Variants in DST observed in about 807,000 individuals in gnomAD.
DST encodes bullous pemphigoid antigen.
A neutral mutation model predicts 875.2 loss-of-function variants in DST; 253 were observed. The ratio of observed to expected loss-of-function variants is 0.29; its 90% confidence interval spans 0.26 to 0.32. The LOEUF (loss-of-function observed/expected upper bound fraction) is 0.32. Among genes scored for constraint, DST ranks in the 10% least tolerant of loss-of-function variants. DST has a pLI of 1.00. For missense variants in DST, 8,287 were observed against 9,111.6 expected (o/e 0.91, Z 3.68); for synonymous variants, 3,124 against 3,197.1 (o/e 0.98, Z 0.77).
At chr6:56,614,214 A>C (rs892586495) in intron 37 of DST, 142 bp downstream of exon 37, 15 of 680,030 alleles carry the variant, frequency 2.2e-5, no homozygotes, top group Non-Finnish European at 3.2e-5. Context: ...CAAGTTATTT[A>C]ATCTTTCTGA....
chr6:56,954,696 G>A lies in DST; in HGVS notation c.-109C>T, dbSNP rs1824326202. 13 of 673,056 alleles carry A rather than the reference G, an allele frequency of 1.9e-5. No individual in the cohort carries two copies. The South Asian group carries it at 7.9e-4, about 41-fold the overall frequency. The allele number at this position is 673,056 out of a possible 1,614,324, so 41.7% of individuals were successfully genotyped here. A position where few individuals can be genotyped will look rare whatever the true frequency, so the allele number is the denominator to read the frequency against. On this transcript the variant is annotated 5_prime_UTR_variant, in exon 1 of 104. Coordinates refer to ENST00000680361, the MANE Select transcript of DST (RefSeq NM_001374736.1). ...CGGGCACGGGTGAGCGCGGCTCAGC[G>A]CGTCATGCCTGGCGCTCGCGGCCCC...
intron 24 of DST, 80 bp downstream of exon 24, chr6:56,635,509 A>C: frequency 7.0e-7 from 1 of 1,419,142 alleles, no homozygotes; most frequent in Non-Finnish European, 9.8e-7. Flanking sequence ...GTGCCAATAA[A>C]ATACAAAGTT....
intron 4 of DST, among the ~76,000 whole-genome samples, chr6:56,812,882 G>C (rs979576521): frequency 6.6e-6 from 1 of 151,946 alleles, no homozygotes; most frequent in African/African-American, 2.4e-5. Context: ...TCCCATTACT[G>C]GGTATATACC....
At chr6:56,769,776 C>G (rs1166472655) in intron 4 of DST, among the ~76,000 whole-genome samples, 1 of 152,098 alleles carries the variant, frequency 6.6e-6, no homozygotes, top group Admixed American at 6.6e-5. Flanking sequence ...AAGATCACGC[C>G]ACTGCACTCC....
intron 9 of DST, among the ~76,000 whole-genome samples, chr6:56,681,811 C>G (rs1033418787): frequency 6.6e-6 from 1 of 152,134 alleles, no homozygotes; most frequent in African/African-American, 2.4e-5. Flanking sequence ...ATTAAGGAGA[C>G]CAGGATTCTC....
chr6:56,726,843 C>T (rs1243215274), intron 5 of DST, among the ~76,000 whole-genome samples: 4 of 152,138 alleles, frequency 2.6e-5, no homozygotes, highest in Non-Finnish European at 4.4e-5. Flanking sequence ...TTCCTTAGTA[C>T]GGTCTGAGGA....
intron 101 of DST, 76 bp downstream of exon 101, chr6:56,463,489 C>T (rs991019288): frequency 2.2e-6 from 3 of 1,340,368 alleles, no homozygotes; most frequent in Non-Finnish European, 3.0e-6. Flanking sequence ...TTCTAGGGCC[C>T]TAAATAGAAC....
At chr6:56,813,797 G>T (rs1381544126) in intron 4 of DST, among the ~76,000 whole-genome samples, 1 of 152,082 alleles carries the variant, frequency 6.6e-6, no homozygotes, top group Admixed American at 6.5e-5. Context: ...GTTTTTACAG[G>T]TCTATTCCTT....
chr6:56,820,949 AC>A (rs893866274), intron 4 of DST, among the ~76,000 whole-genome samples: 1 of 152,188 alleles, frequency 6.6e-6, no homozygotes, highest in African/African-American at 2.4e-5. Flanking sequence ...GCCTACAATT[AC>A]ACCAGACAGA....
Position 56,902,085 on chromosome 6 carries a change from T to G in DST, c.217-1464A>C, listed in dbSNP as rs961313755. ...TTTGAAGAATGAATTGAATTTATAT[T>G]GAAGACAAAGGAAACAACATAAGAA... On this transcript the variant is annotated intron_variant, in intron 2 of 103. Transcript: ENST00000680361. Among the ~76,000 whole-genome samples, 3 of 152,196 alleles carry G rather than the reference T, an allele frequency of 2.0e-5. No homozygotes were observed. The East Asian group carries it at 5.8e-4, about 29-fold the overall frequency.
chr6:56,889,496 T>C (rs1028255097), intron 3 of DST, among the ~76,000 whole-genome samples: 1 of 152,212 alleles, frequency 6.6e-6, no homozygotes, highest in Non-Finnish European at 1.5e-5. Context: ...GCTAAGATTT[T>C]GCCAGCAGGG....
At chr6:56,635,788 C>G in intron 23 of DST, 74 bp from the exon 24 acceptor site, 1 of 1,518,136 alleles carries the variant, frequency 6.6e-7, no homozygotes, top group Non-Finnish European at 9.1e-7. Flanking sequence ...CACTCCAATA[C>G]CAAGGTCCTA....
intron 4 of DST, among the ~76,000 whole-genome samples, chr6:56,745,187 AG>A (rs1407243892): frequency 9.2e-5 from 14 of 152,228 alleles, no homozygotes; most frequent in South Asian, 2.1e-4. Context: ...AGGACTCCAT[AG>A]GTGAAAGTAT....
chr6:56,939,717 T>C (rs964790769), intron 2 of DST, among the ~76,000 whole-genome samples: 6 of 152,060 alleles, frequency 3.9e-5, no homozygotes, highest in African/African-American at 1.4e-4. Context: ...TAGATTACTC[T>C]TCCAATAAAA....
intron 2 of DST, among the ~76,000 whole-genome samples, chr6:56,926,480 G>A (rs35527216): frequency 0.15 from 23,150 of 152,162 alleles, 1,962 homozygotes; most frequent in Middle Eastern, 0.23. Context: ...TTCCTGAGGG[G>A]AAGGAGGAAC....
chr6:56,794,412 A>G (rs1042502947), intron 4 of DST, among the ~76,000 whole-genome samples: 1 of 152,188 alleles, frequency 6.6e-6, no homozygotes, highest in Non-Finnish European at 1.5e-5. Context: ...AACAAGGAGA[A>G]AGGAAAAGGA....
At chr6:56,869,602 A>C (rs1022063300) in intron 3 of DST, among the ~76,000 whole-genome samples, 1 of 152,180 alleles carries the variant, frequency 6.6e-6, no homozygotes, top group African/African-American at 2.4e-5. Flanking sequence ...AAAAAAAAAA[A>C]AACTTCATAA....
intron 2 of DST, among the ~76,000 whole-genome samples, chr6:56,952,566 G>A (rs764538359): frequency 2.6e-5 from 4 of 151,870 alleles, no homozygotes; most frequent in Non-Finnish European, 5.9e-5. Flanking sequence ...AAACATTATC[G>A]TTTATTTTTA....
At chr6:56,506,139 A>G (rs912214984) in intron 77 of DST, among the ~76,000 whole-genome samples, 2 of 152,180 alleles carry the variant, frequency 1.3e-5, no homozygotes, top group Non-Finnish European at 2.9e-5. Context: ...TTTATAAAAA[A>G]CACTGTGTGA....
Sources: allele counts gnomAD v4.1 joint callset (sites outside exome capture counted in the v4.1 genomes callset), GRCh38; gene constraint gnomAD v4.1.1; transcripts MANE v1.5; gene names NCBI Gene and HGNC (gene_info 2026-07-23, HGNC 2026-07-21).